IPMK: variants seen among roughly 807,000 people sequenced by gnomAD.
IPMK encodes inositol polyphosphate multikinase.
A neutral mutation model predicts 45.8 loss-of-function variants in IPMK; 17 were observed. The ratio of observed to expected loss-of-function variants is 0.37; its 90% CI spans 0.25 to 0.56. The LOEUF (loss-of-function observed/expected upper bound fraction) is 0.56. Among genes scored for constraint, IPMK ranks in the 20% least tolerant of loss-of-function variants. The pLI, the probability that IPMK is intolerant of heterozygous loss-of-function variation, is 0.79. For missense variants in IPMK, 399 were observed against 498.0 expected, an observed-to-expected ratio of 0.80 and a Z score of 1.89; for synonymous variants, 180 against 184.3, an observed-to-expected ratio of 0.98 and a Z score of 0.19.
intron 4 of IPMK, among the ~76,000 whole-genome samples, chr10:58,214,174 A>G (rs1838210206): frequency 6.6e-6 from 1 of 152,206 alleles, no homozygotes; most frequent in Non-Finnish European, 1.5e-5. Flanking sequence ...AATCAATAGT[A>G]TAAGGTTCTT....
rs140929431 is a variant in IPMK at position 58,233,803 on chromosome 10, G to A, written c.276+3926C>T. Among the ~76,000 whole-genome samples the A allele has an allele frequency of 6.2e-4, 94 of 152,266 alleles. No individual in the cohort carries two copies. In the East Asian group the frequency reaches 9.4e-3, roughly 15 times the overall value. ...TCACCACTCAATTCAACATAGTGTT[G>A]GGAGTTCTGGCCAGGGCAATCAGGC... On this transcript the variant is annotated intron_variant, in intron 2 of 5. Coordinates refer to ENST00000373935, the MANE Select transcript of IPMK (RefSeq NM_152230.5).
At chr10:58,215,982 A>AT (rs201857413) in intron 4 of IPMK, among the ~76,000 whole-genome samples, 163 bp downstream of exon 4, 5 of 151,888 alleles carry the variant, frequency 3.3e-5, no homozygotes, top group African/African-American at 4.8e-5. Context: ...AAAAAAAAAA[A>AT]TTTTTTAATC....
chr10:58,212,104 G>A (rs762656173), intron 4 of IPMK, among the ~76,000 whole-genome samples: 1 of 151,878 alleles, frequency 6.6e-6, no homozygotes, highest in African/African-American at 2.4e-5. Flanking sequence ...TGTTGGCATT[G>A]CTATGAGCAT....
chr10:58,216,478 A>C (rs1029805727), intron 3 of IPMK, among the ~76,000 whole-genome samples, 161 bp from the exon 4 acceptor site: 1 of 151,932 alleles, frequency 6.6e-6, no homozygotes, highest in East Asian at 1.9e-4. Context: ...AAAAAACCTA[A>C]ACAACAAATT....
Position 58,267,627 on chromosome 10 carries a change from C to T in IPMK, c.-16G>A. The T allele has an allele frequency of 6.4e-7, 1 of 1,564,318 alleles. No homozygotes were observed. Among genetic ancestry groups the T allele is most frequent in the East Asian group, 2.3e-5 (1 of 42,726 alleles). On this transcript the variant is annotated 5_prime_UTR_variant, in exon 1 of 6. Transcript: ENST00000373935. Reference sequence around the variant, plus strand: ...CTGTTGCCATAACGGAGAGCAGAAGCGGTAACGGCAGCGAGAGTAGGAAAA... The same window carrying T: ...CTGTTGCCATAACGGAGAGCAGAAGTGGTAACGGCAGCGAGAGTAGGAAAA...
intron 1 of IPMK, among the ~76,000 whole-genome samples, chr10:58,241,565 G>A (rs1838697493): frequency 2.0e-5 from 3 of 152,142 alleles, no homozygotes; most frequent in Non-Finnish European, 2.9e-5. Context: ...AAATGCCATA[G>A]ACTGAGCAGC....
At chr10:58,197,309 A>G (rs1383929969) in intron 5 of IPMK, among the ~76,000 whole-genome samples, 3 of 147,548 alleles carry the variant, frequency 2.0e-5, no homozygotes, top group Admixed American at 2.0e-4. Flanking sequence ...AAAAATAAAT[A>G]AATAAATAAA....
chr10:58,193,028 AT>A lies in IPMK; in HGVS notation c.*3047del, dbSNP rs1372619671. 3 of 151,982 alleles carry A rather than the reference AT, an allele frequency of 2.0e-5. No individual in the cohort carries two copies. Among genetic ancestry groups the A allele is most frequent in the African/African-American group, 7.2e-5 (3 of 41,452 alleles). The allele number at this position is 151,982 out of a possible 1,614,324, so 9.4% of individuals were successfully genotyped here. On this transcript the variant is annotated 3_prime_UTR_variant, in exon 6 of 6. Transcript: ENST00000373935. ...ACAATGCTTTACCATAGTGGACACA[AT>A]TCCTGTAATTTCATAAACAGAATTC...
intron 2 of IPMK, among the ~76,000 whole-genome samples, chr10:58,228,365 C>A (rs1397084219): frequency 6.6e-6 from 1 of 152,014 alleles, no homozygotes; most frequent in African/African-American, 2.4e-5. Context: ...TGTAAAGGCA[C>A]AGAAAAAATT....
chr10:58,261,062 C>A, intron 1 of IPMK, among the ~76,000 whole-genome samples: 1 of 144,054 alleles, frequency 6.9e-6, no homozygotes, highest in African/African-American at 2.6e-5. Flanking sequence ...AATAAAAGGC[C>A]AAAAGCAAAT....
rs371431543 is a variant in IPMK at position 58,216,496 on chromosome 10, A to C, written c.374-179T>G. 3.9e-5 allele frequency among the ~76,000 whole-genome samples: 6 copies of C among 151,950 alleles called. No individual in the cohort carries two copies. In the East Asian group the frequency reaches 1.2e-3, roughly 29 times the overall value. ...AAACCTAAACAACAAATTTATAACA[A>C]GTATAAACATCACAGAGAAGCTCTT... On this transcript the variant is annotated intron_variant, in intron 3 of 5. Coordinates refer to ENST00000373935, the MANE Select transcript of IPMK (RefSeq NM_152230.5).
intron 5 of IPMK, among the ~76,000 whole-genome samples, chr10:58,197,226 G>A (rs1034206037): frequency 3.3e-5 from 5 of 151,972 alleles, no homozygotes; most frequent in African/African-American, 1.2e-4. Flanking sequence ...TGTGAACCCG[G>A]GAGGTGGAGC....
At chr10:58,237,705 CA>C (rs765619792) in intron 2 of IPMK, 23 bp downstream of exon 2, 6 of 1,571,036 alleles carry the variant, frequency 3.8e-6, no homozygotes, top group Non-Finnish European at 5.3e-6. Flanking sequence ...TTGAAGACAA[CA>C]AAACAAATCT....
chr10:58,237,219 T>C (rs1838627273), intron 2 of IPMK, among the ~76,000 whole-genome samples: 1 of 152,294 alleles, frequency 6.6e-6, no homozygotes, highest in East Asian at 1.9e-4. Flanking sequence ...AACAAGAGAC[T>C]GGAGGGTATG....
chr10:58,235,206 T>C (rs2132163864), intron 2 of IPMK, among the ~76,000 whole-genome samples: 1 of 152,322 alleles, frequency 6.6e-6, no homozygotes, highest in Middle Eastern at 3.4e-3. Context: ...GGAACACTTT[T>C]ACACTGTTGG....
In IPMK at chr10:58,191,653, CT is replaced by C. The variant is rs1453399723; in HGVS notation, c.*4422del. 1 of 151,916 alleles carries C rather than the reference CT, an allele frequency of 6.6e-6. No homozygotes were observed. The highest frequency in any genetic ancestry group is 1.5e-5 in the Non-Finnish European group (1 of 67,914). The allele number at this position is 151,916 out of a possible 1,614,324, so 9.4% of individuals were successfully genotyped here. A position where few individuals can be genotyped will look rare whatever the true frequency, so the allele number is the denominator to read the frequency against. Reference sequence around the variant, plus strand: ...ACAAATCACACATTGACAATAACCCCTGCAGTCCAAGTATACCCCCACAATA... The same window carrying C: ...ACAAATCACACATTGACAATAACCCCGCAGTCCAAGTATACCCCCACAATA... On this transcript the variant is annotated 3_prime_UTR_variant, in exon 6 of 6. Coordinates refer to ENST00000373935, the MANE Select transcript of IPMK (RefSeq NM_152230.5).
intron 3 of IPMK, among the ~76,000 whole-genome samples, chr10:58,218,095 T>C (rs894511950): frequency 1.2e-4 from 19 of 152,298 alleles, no homozygotes; most frequent in African/African-American, 3.8e-4. Context: ...GAGAGCAGGG[T>C]TATAACTCTG....
intron 4 of IPMK, among the ~76,000 whole-genome samples, chr10:58,200,243 C>T (rs538568456): frequency 9.2e-5 from 14 of 151,998 alleles, no homozygotes; most frequent in Admixed American, 3.9e-4. Flanking sequence ...CTCAGCCTCC[C>T]GAGTACCTGG....
At chr10:58,247,930 G>C (rs1216927730) in intron 1 of IPMK, among the ~76,000 whole-genome samples, 1 of 152,206 alleles carries the variant, frequency 6.6e-6, no homozygotes, top group African/African-American at 2.4e-5. Context: ...TAATTAGCTA[G>C]TGGATATCCA....
Sources: allele counts gnomAD v4.1 joint callset (sites outside exome capture counted in the v4.1 genomes callset), GRCh38; gene constraint gnomAD v4.1.1; transcripts MANE v1.5; gene names NCBI Gene and HGNC (gene_info 2026-07-23, HGNC 2026-07-21).